The following SLC9A9 variants were observed in gnomAD, a reference collection of about 807,000 sequenced individuals.
SLC9A9 encodes the protein solute carrier family 9 member A9, also known as sodium/hydrogen exchanger 9.
A neutral mutation model predicts 77.8 loss-of-function variants in SLC9A9; 62 were observed. The ratio of observed to expected loss-of-function variants is 0.80; its 90% confidence interval spans 0.65 to 0.98. The LOEUF (loss-of-function observed/expected upper bound fraction) is 0.98. SLC9A9 is among the 50% of genes least tolerant of loss of function. The probability of loss-of-function intolerance (pLI) is 0.00; values close to 1 mark genes in which losing one functional copy is unlikely to be tolerated. For missense variants in SLC9A9, 775 were observed against 774.9 expected, an observed-to-expected ratio of 1.00 and a Z score of 0.00; for synonymous variants, 320 against 283.5, an observed-to-expected ratio of 1.13 and a Z score of -1.29.
intron 12 of SLC9A9, among the ~76,000 whole-genome samples, chr3:143,466,092 G>A (rs2035276197): frequency 6.6e-6 from 1 of 152,164 alleles, no homozygotes. Context: ...TATGTGCCAG[G>A]CACTATACTA....
intron 4 of SLC9A9, among the ~76,000 whole-genome samples, chr3:143,703,663 A>G (rs1223499400): frequency 2.0e-5 from 3 of 152,118 alleles, no homozygotes; most frequent in African/African-American, 7.2e-5. Context: ...ACGAACCAGA[A>G]AAGAAAGAGC....
intron 4 of SLC9A9, among the ~76,000 whole-genome samples, chr3:143,716,497 C>T (rs1934356990): frequency 6.6e-6 from 1 of 152,050 alleles, no homozygotes; most frequent in Admixed American, 6.5e-5. Flanking sequence ...ATCCCAGACT[C>T]TTGTCAAGTG....
chr3:143,777,634 TG>T (rs1480922540), intron 4 of SLC9A9, among the ~76,000 whole-genome samples: 2 of 152,148 alleles, frequency 1.3e-5, no homozygotes, highest in African/African-American at 4.8e-5. Context: ...CCCTCAGCAC[TG>T]TTTCTCAAAC....
chr3:143,674,268 T>C (rs185863085), intron 5 of SLC9A9, among the ~76,000 whole-genome samples: 1 of 152,322 alleles, frequency 6.6e-6, no homozygotes, highest in Non-Finnish European at 1.5e-5. Context: ...CCCATGACAC[T>C]AATCTTGCCT....
chr3:143,356,445 A>C (rs2032587351), intron 14 of SLC9A9, among the ~76,000 whole-genome samples: 1 of 152,206 alleles, frequency 6.6e-6, no homozygotes, highest in South Asian at 2.1e-4. Flanking sequence ...GTTTCTAGAT[A>C]CTGTTAAAAT....
chr3:143,612,415 C>T (rs568823046), intron 6 of SLC9A9, among the ~76,000 whole-genome samples: 3 of 152,264 alleles, frequency 2.0e-5, no homozygotes, highest in Admixed American at 1.3e-4. Context: ...TGGGATAACC[C>T]TAAGTGAATA....
chr3:143,590,167 TG>T (rs1559982741), intron 6 of SLC9A9, among the ~76,000 whole-genome samples: 1 of 152,210 alleles, frequency 6.6e-6, no homozygotes, highest in East Asian at 1.9e-4. Context: ...TTTTTCCAAG[TG>T]GTGACTACTG....
chr3:143,670,803 G>A (rs1052169399), intron 5 of SLC9A9, among the ~76,000 whole-genome samples: 16 of 152,184 alleles, frequency 1.1e-4, no homozygotes, highest in African/African-American at 3.9e-4. Context: ...CAGAACCTGT[G>A]TCTGGTTTAT....
At chr3:143,267,345 CTTTTTTT>C (rs749407002) in intron 15 of SLC9A9, among the ~76,000 whole-genome samples, 4 of 113,628 alleles carry the variant, frequency 3.5e-5, no homozygotes, top group African/African-American at 3.8e-5. Context: ...GTTATTGCTA[CTTTTTTT>C]TTTTTTTTTT....
intron 4 of SLC9A9, among the ~76,000 whole-genome samples, chr3:143,756,503 T>C (rs566821066): frequency 6.6e-5 from 10 of 152,326 alleles, no homozygotes; most frequent in Admixed American, 5.9e-4. Flanking sequence ...CTTTGTCCTA[T>C]GTATATGAAA....
chr3:143,347,537 T>C (rs901608869), intron 14 of SLC9A9, among the ~76,000 whole-genome samples: 40 of 152,062 alleles, frequency 2.6e-4, no homozygotes, highest in Non-Finnish European at 1.3e-4. Flanking sequence ...AGGTCCAGAG[T>C]TATAAAGCAC....
intron 2 of SLC9A9, 41 bp downstream of exon 2, chr3:143,831,978 A>G: frequency 6.5e-7 from 1 of 1,544,858 alleles, no homozygotes; most frequent in Non-Finnish European, 8.9e-7. Flanking sequence ...ACAATTATTT[A>G]TACTGTAAAA....
chr3:143,622,754 C>T (rs890643363), intron 6 of SLC9A9, among the ~76,000 whole-genome samples: 10 of 152,196 alleles, frequency 6.6e-5, no homozygotes, highest in African/African-American at 2.4e-4. Flanking sequence ...GGATCAAATT[C>T]ACACATAACA....
chr3:143,680,768 A>G (rs959603960), intron 5 of SLC9A9, among the ~76,000 whole-genome samples: 1 of 151,902 alleles, frequency 6.6e-6, no homozygotes, highest in African/African-American at 2.4e-5. Flanking sequence ...ATTTTCTTTC[A>G]TTTTCTTACC....
chr3:143,299,667 T>C (rs560731814), intron 14 of SLC9A9, among the ~76,000 whole-genome samples: 14 of 152,242 alleles, frequency 9.2e-5, no homozygotes, highest in African/African-American at 3.1e-4. Context: ...ATGGTCTCGA[T>C]CTCCTGACCT....
chr3:143,500,942 A>G (rs2108596430), intron 9 of SLC9A9, among the ~76,000 whole-genome samples: 1 of 150,606 alleles, frequency 6.6e-6, no homozygotes, highest in South Asian at 2.1e-4. Flanking sequence ...GTTTGGAAAG[A>G]TTTACAGTGA....
chr3:143,488,529 T>C (rs1272736964), intron 11 of SLC9A9, among the ~76,000 whole-genome samples: 1 of 151,928 alleles, frequency 6.6e-6, no homozygotes, highest in Non-Finnish European at 1.5e-5. Context: ...TTCAGTAGCA[T>C]ATTAAAAGAA....
intron 5 of SLC9A9, among the ~76,000 whole-genome samples, chr3:143,691,443 C>T (rs1933463668): frequency 1.3e-5 from 2 of 152,098 alleles, no homozygotes; most frequent in African/African-American, 4.8e-5. Context: ...ATACTCTTAG[C>T]TAGGCCTTGG....
At chr3:143,269,317 T>C (rs925986482) in intron 14 of SLC9A9, among the ~76,000 whole-genome samples, 1 of 152,222 alleles carries the variant, frequency 6.6e-6, no homozygotes, top group Admixed American at 6.5e-5. Flanking sequence ...CATAAAAGAT[T>C]GTATTTTCTT....
Sources: allele counts gnomAD v4.1 joint callset (sites outside exome capture counted in the v4.1 genomes callset), GRCh38; gene constraint gnomAD v4.1.1; transcripts MANE v1.5; gene names NCBI Gene and HGNC (gene_info 2026-07-23, HGNC 2026-07-21).